The following IMPA1 variants were observed in gnomAD, a reference collection of about 807,000 sequenced individuals.
The protein encoded by IMPA1 is inositol monophosphatase 1, also known as D-galactose 1-phosphate phosphatase.
Under a neutral mutation model 34.9 loss-of-function variants are expected in IMPA1, and 21 were observed. The observed-to-expected ratio is 0.60, with a 90% confidence interval of 0.43 to 0.87. The LOEUF (loss-of-function observed/expected upper bound fraction) is 0.87, where lower values mean the gene tolerates loss of function less well. Among genes scored for constraint, IMPA1 ranks in the 40% least tolerant of loss-of-function variants. IMPA1 has a pLI of 0.00. For synonymous variants in IMPA1, 95 were observed against 104.4 expected, an observed-to-expected ratio of 0.91 and a Z score of 0.55; for missense variants, 299 against 336.4, an observed-to-expected ratio of 0.89 and a Z score of 0.87.
Position 81,676,283 on chromosome 8 carries a change from T to C in IMPA1, c.303-4A>G. ...TGAAACAGCTACAAAAGGAAATCTT[T>C]TTTTAAAAAAAAGGACAAAATACAA... On this transcript the variant is annotated splice_polypyrimidine_tract_variant and splice_region_variant and intron_variant, in intron 4 of 8. Transcript: ENST00000256108. 4 of 1,300,550 alleles carry C rather than the reference T, an allele frequency of 3.1e-6. No individual in the cohort carries two copies. Among genetic ancestry groups the C allele is most frequent in the Non-Finnish European group, 4.2e-6 (4 of 950,158 alleles). The allele number at this position is 1,300,550 out of a possible 1,614,324, so 80.6% of individuals were successfully genotyped here.
In IMPA1 at chr8:81,672,605, C is replaced by T. The variant is rs969421066; in HGVS notation, c.457+1236G>A. Among the ~76,000 whole-genome samples, 4 of 152,316 alleles carry T rather than the reference C, an allele frequency of 2.6e-5. No individual in the cohort carries two copies. The East Asian group carries it at 5.8e-4, about 22-fold the overall frequency. ...TCCCTTTTTCTTTAAAAACCTGAGCCTCTGCTAAGTTCTCTGGAGCACTCT... is the reference window on the plus strand; with the variant it reads ...TCCCTTTTTCTTTAAAAACCTGAGCTTCTGCTAAGTTCTCTGGAGCACTCT... On this transcript the variant is annotated intron_variant, in intron 6 of 8. Coordinates refer to ENST00000256108, the MANE Select transcript of IMPA1 (RefSeq NM_005536.4).
intron 7 of IMPA1, among the ~76,000 whole-genome samples, chr8:81,663,343 T>C (rs1163390311): frequency 6.6e-6 from 1 of 152,234 alleles, no homozygotes; most frequent in Non-Finnish European, 1.5e-5. Context: ...TCTCTTTTAC[T>C]TTACTCATTA....
intron 3 of IMPA1, among the ~76,000 whole-genome samples, chr8:81,680,121 C>T (rs184827240): frequency 3.3e-4 from 45 of 136,880 alleles, no homozygotes; most frequent in Middle Eastern, 3.7e-3. Flanking sequence ...CCTGACAGAG[C>T]GTGTCTCCGT....
chr8:81,675,472 C>T (rs1452460103), intron 5 of IMPA1, among the ~76,000 whole-genome samples: 1 of 152,188 alleles, frequency 6.6e-6, no homozygotes, highest in Non-Finnish European at 1.5e-5. Context: ...GTGGCAGGGC[C>T]AGCATACAGC....
chr8:81,659,376 G>A lies in IMPA1; in HGVS notation c.809C>T (p.Pro270Leu), dbSNP rs1004935117. The part of the protein sequence containing the change: ...ERIAKEIQVI[P>L]LQRDDED The stretch of plus-strand genomic sequence containing the variant: ...TTAATCTTCGTCGTCTCGTTGCAAA[G>A]GTATAACCTGAATTTCTTTAGCTAT... Residue 270 changes from proline to leucine, a missense_variant, in exon 9 of 9, where the codon CCT (proline) becomes CTT (leucine). Physicochemically the swap from Pro to Leu is moderately conservative, Grantham distance 98. Transcript: ENST00000256108. 6 of 1,607,096 alleles carry A rather than the reference G, an allele frequency of 3.7e-6. No individual in the cohort carries two copies. The highest frequency in any genetic ancestry group is 5.1e-6 in the Non-Finnish European group (6 of 1,173,860).
intron 4 of IMPA1, among the ~76,000 whole-genome samples, chr8:81,676,515 A>T (rs1213794074): frequency 6.6e-6 from 1 of 152,192 alleles, no homozygotes; most frequent in Non-Finnish European, 1.5e-5. Context: ...GCACACGTTC[A>T]CACAGGATGC....
At chr8:81,676,339 A>G in intron 4 of IMPA1, 60 bp from the exon 5 acceptor site, 3 of 837,502 alleles carry the variant, frequency 3.6e-6, no homozygotes, top group Non-Finnish European at 5.4e-6. Context: ...TGTTAATAAA[A>G]TTAATCTTTT....
intron 1 of IMPA1, among the ~76,000 whole-genome samples, chr8:81,683,389 A>G (rs1451219903): frequency 6.6e-6 from 1 of 152,160 alleles, no homozygotes; most frequent in Non-Finnish European, 1.5e-5. Flanking sequence ...TGATTGGCTG[A>G]AACCTGGGAG....
intron 1 of IMPA1, among the ~76,000 whole-genome samples, chr8:81,683,786 TA>T (rs34445438): frequency 0.48 from 73,632 of 151,844 alleles, 19,070 homozygotes; most frequent in East Asian, 0.86. Context: ...TGAGTCTGGA[TA>T]ATCACTGGAT....
rs761609809 is a variant in IMPA1, at chr8:81,673,954, A to G, written c.349-5T>C. The G allele has an allele frequency of 6.4e-7, 1 of 1,572,052 alleles. No homozygotes were observed. On this transcript the variant is annotated splice_polypyrimidine_tract_variant and splice_region_variant and intron_variant, in intron 5 of 8. Transcript: ENST00000256108. ...GTACACAACTCCAAATTCTATCTGCAGAGGAAAACAAGTTTCCTTTACCAA... is the reference window on the plus strand; with the variant it reads ...GTACACAACTCCAAATTCTATCTGCGGAGGAAAACAAGTTTCCTTTACCAA...
At position 81,675,813 on chromosome 8, in the gene IMPA1, G is replaced by A. The variant is rs187725614; in HGVS notation, c.348+421C>T. Reference sequence around the variant, plus strand: ...ATGTGTAGGTTCCTAAAGAGAGTCTGTATTTTCCAACCATGCTTTGGCCCC... The same window carrying A: ...ATGTGTAGGTTCCTAAAGAGAGTCTATATTTTCCAACCATGCTTTGGCCCC... On this transcript the variant is annotated intron_variant, in intron 5 of 8. Coordinates refer to ENST00000256108, the MANE Select transcript of IMPA1 (RefSeq NM_005536.4). Among the ~76,000 whole-genome samples the A allele has an allele frequency of 3.3e-5, 5 of 152,318 alleles. No individual in the cohort carries two copies. The East Asian group carries it at 7.7e-4, about 23-fold the overall frequency.
At chr8:81,666,370 CACACAATA>C (rs1367932229) in intron 7 of IMPA1, among the ~76,000 whole-genome samples, 1 of 151,992 alleles carries the variant, frequency 6.6e-6, no homozygotes, top group Non-Finnish European at 1.5e-5. Flanking sequence ...GTAATTATAC[CACACAATA>C]ATACAACAGA....
chr8:81,684,142 C>T (rs1470528967), intron 1 of IMPA1, among the ~76,000 whole-genome samples: 7 of 148,016 alleles, frequency 4.7e-5, no homozygotes, highest in East Asian at 2.0e-4. Flanking sequence ...CACACATACA[C>T]ACACACACAC....
chr8:81,678,109 T>C (rs1022302979), intron 4 of IMPA1, among the ~76,000 whole-genome samples: 2 of 152,070 alleles, frequency 1.3e-5, no homozygotes, highest in African/African-American at 4.8e-5. Context: ...CTAACTTGCC[T>C]AAGGTGAAAA....
chr8:81,677,790 A>G (rs1011443839), intron 4 of IMPA1, among the ~76,000 whole-genome samples: 1 of 152,198 alleles, frequency 6.6e-6, no homozygotes, highest in Non-Finnish European at 1.5e-5. Flanking sequence ...TATCACATAT[A>G]GATTCTAAAC....
rs758870458 is a variant in IMPA1, at chr8:81,670,943, G to A, written c.562C>T (p.His188Tyr). 1 of 1,481,506 alleles carries A rather than the reference G, an allele frequency of 6.7e-7. No individual in the cohort carries two copies. The highest frequency in any genetic ancestry group is 1.3e-5 in the South Asian group (1 of 75,474). 91.8% of individuals were successfully genotyped at this position (1,481,506 alleles called of 1,614,324 possible). A position where few individuals can be genotyped will look rare whatever the true frequency, so the allele number is the denominator to read the frequency against. The part of the protein sequence containing the change: ...NMEKLFCIPV[H>Y]GIRSVGTAAV... ...GAATAATGGTAAAGAGCTTACCCAT[G>A]AACAGGAATGCAAAAAAGCTTTTCC... Residue 188 changes from histidine to tyrosine, a missense_variant, in exon 7 of 9, where the codon CAT becomes TAT. By Grantham distance (83) the His-to-Tyr change is moderately conservative (BLOSUM62 2). Coordinates refer to ENST00000256108, the MANE Select transcript of IMPA1 (RefSeq NM_005536.4).
intron 7 of IMPA1, among the ~76,000 whole-genome samples, chr8:81,663,970 C>T (rs763297281): frequency 2.6e-5 from 4 of 151,940 alleles, no homozygotes; most frequent in African/African-American, 4.8e-5. Flanking sequence ...ACCCCGGAGG[C>T]GGAGGTTGCA....
At position 81,679,104 on chromosome 8, in the gene IMPA1, T is replaced by C. The variant is rs775650507; in HGVS notation, c.302+22A>G. Reference sequence around the variant, plus strand: ...CCAGTTAATATGCAAAGAGTAATTATATTAGACATTTTAAAACATACCTAT... The same window carrying C: ...CCAGTTAATATGCAAAGAGTAATTACATTAGACATTTTAAAACATACCTAT... On this transcript the variant is annotated intron_variant, in intron 4 of 8. Transcript: ENST00000256108. 2.4e-5 allele frequency: 35 copies of C among 1,433,032 alleles called. 1 individual carries two copies. The Middle Eastern group carries it at 1.6e-3, about 64-fold the overall frequency. The allele number at this position is 1,433,032 out of a possible 1,614,324, so 88.8% of individuals were successfully genotyped here.
chr8:81,676,720 C>A (rs769473937), intron 4 of IMPA1, among the ~76,000 whole-genome samples: 1 of 152,166 alleles, frequency 6.6e-6, no homozygotes, highest in African/African-American at 2.4e-5. Context: ...CGCACAGCGG[C>A]TCACTCCTCC....
Sources: allele counts gnomAD v4.1 joint callset (sites outside exome capture counted in the v4.1 genomes callset), GRCh38; gene constraint gnomAD v4.1.1; transcripts MANE v1.5; gene names NCBI Gene and HGNC (gene_info 2026-07-23, HGNC 2026-07-21).